Variants in HDAC9 observed in about 807,000 individuals in gnomAD.
HDAC9 encodes the protein MEF-2 interacting transcription repressor (MITR) protein.
Under a neutral mutation model 139.4 loss-of-function variants are expected in HDAC9, and 41 were observed. The observed-to-expected ratio is 0.29, with a 90% CI of 0.23 to 0.38. HDAC9 has a LOEUF of 0.38. HDAC9 is among the 10% of genes least tolerant of loss of function. The pLI is 1.00. For synonymous variants in HDAC9, 517 were observed against 476.2 expected (o/e 1.09, Z -1.12); for missense variants, 1,147 against 1,297.0 (o/e 0.88, Z 1.78).
At chr7:18,243,763 A>T (rs1339068309) in intron 2 of HDAC9, among the ~76,000 whole-genome samples, 1 of 152,246 alleles carries the variant, frequency 6.6e-6, no homozygotes, top group Non-Finnish European at 1.5e-5. Context: ...AATGCAGCTT[A>T]GTTAAAAAAT....
rs1341079093 is a variant in HDAC9 at position 18,751,943 on chromosome 7, C to T, written c.2043+2805C>T. ...TAGTAGAATACTACCTAGTGCTCTC[C>T]CAAGTCCATTTTTTTTTTACTAAAC... On this transcript the variant is annotated intron_variant, in intron 14 of 25. Coordinates refer to ENST00000686413, the MANE Select transcript of HDAC9 (RefSeq NM_178425.4). Among the ~76,000 whole-genome samples, 4 of 151,966 alleles carry T rather than the reference C, an allele frequency of 2.6e-5. No individual in the cohort carries two copies. In the East Asian group the frequency reaches 7.7e-4, roughly 29 times the overall value.
intron 2 of HDAC9, among the ~76,000 whole-genome samples, chr7:18,201,895 G>T (rs2128160032): frequency 6.6e-6 from 1 of 152,322 alleles, no homozygotes; most frequent in South Asian, 2.1e-4. Context: ...AAAAATAAAT[G>T]AAGAATTAAG....
intron 2 of HDAC9, among the ~76,000 whole-genome samples, chr7:18,569,238 G>C (rs1280276860): frequency 6.6e-6 from 1 of 152,024 alleles, no homozygotes. Flanking sequence ...AATGAGAGTG[G>C]CTGTGTTCCA....
intron 1 of HDAC9, among the ~76,000 whole-genome samples, chr7:18,355,016 C>A (rs1369662945): frequency 1.3e-5 from 2 of 152,144 alleles, no homozygotes; most frequent in Admixed American, 1.3e-4. Context: ...GATCCTCAAT[C>A]TGCTTATTGT....
upstream of HDAC9, among the ~76,000 whole-genome samples, chr7:18,491,667 C>T (rs1796377933): frequency 6.6e-6 from 1 of 152,126 alleles, no homozygotes; most frequent in East Asian, 1.9e-4. Context: ...TTCAGAAGTA[C>T]TGCTTATATG....
intron 21 of HDAC9, among the ~76,000 whole-genome samples, chr7:18,867,231 A>G (rs1249019146): frequency 6.6e-6 from 1 of 152,210 alleles, no homozygotes; most frequent in Non-Finnish European, 1.5e-5. Flanking sequence ...AAAAAAGCAT[A>G]TATGCCATTG....
chr7:18,943,175 T>A (rs561842910), intron 23 of HDAC9, among the ~76,000 whole-genome samples: 1 of 152,172 alleles, frequency 6.6e-6, no homozygotes, highest in East Asian at 1.9e-4. Context: ...CTACAGACAT[T>A]ATGTTGGAAA....
At chr7:18,887,661 A>G (rs577913803) in intron 22 of HDAC9, among the ~76,000 whole-genome samples, 30 of 152,360 alleles carry the variant, frequency 2.0e-4, no homozygotes, top group Non-Finnish European at 3.8e-4. Flanking sequence ...GTCAGAATTC[A>G]TATGTCAAAA....
At chr7:18,956,096 C>G (rs17140387) in intron 24 of HDAC9, among the ~76,000 whole-genome samples, 62,798 of 151,790 alleles carry the variant, frequency 0.41, 13,223 homozygotes, top group Admixed American at 0.5. Context: ...TTGAAAAAGA[C>G]TCAATCTACT....
At chr7:18,987,064 T>G (rs1785420512) in intron 25 of HDAC9, among the ~76,000 whole-genome samples, 1 of 152,206 alleles carries the variant, frequency 6.6e-6, no homozygotes, top group African/African-American at 2.4e-5. Flanking sequence ...TTTATTTCCT[T>G]CTCCTGCCTA....
intron 1 of HDAC9, among the ~76,000 whole-genome samples, chr7:18,138,563 T>TGTGTGC (rs895058145): frequency 7.0e-6 from 1 of 143,450 alleles, no homozygotes; most frequent in African/African-American, 2.9e-5. Context: ...TGTGTGTGTG[T>TGTGTGC]GCACATGCTC....
chr7:18,124,395 A>G (rs1784533673), intron 1 of HDAC9, among the ~76,000 whole-genome samples: 1 of 152,172 alleles, frequency 6.6e-6, no homozygotes, highest in Non-Finnish European at 1.5e-5. Flanking sequence ...TTTCTATAAA[A>G]CAAGGAGGTG....
Position 18,999,085 on chromosome 7 carries a change from T to A in HDAC9, c.*3023T>A, listed in dbSNP as rs1310989540. 6.6e-6 allele frequency: 1 copy of A among 152,164 alleles called. No individual in the cohort carries two copies. Among genetic ancestry groups the A allele is most frequent in the Non-Finnish European group, 1.5e-5 (1 of 68,024 alleles). The allele number at this position is 152,164 out of a possible 1,614,324, so 9.4% of individuals were successfully genotyped here. ...TAAATATTGTAACAAGTTTATAACA[T>A]CAATAGTGGAGACAGAAGTCAGCTT... On this transcript the variant is annotated 3_prime_UTR_variant, in exon 26 of 26. Coordinates refer to ENST00000686413, the MANE Select transcript of HDAC9 (RefSeq NM_178425.4).
intron 13 of HDAC9, among the ~76,000 whole-genome samples, chr7:18,730,802 T>A (rs953445373): frequency 4.6e-5 from 7 of 152,226 alleles, no homozygotes; most frequent in African/African-American, 1.7e-4. Context: ...CATATGATTT[T>A]TTTTTAAATT....
chr7:18,609,069 A>G (rs1196349006), intron 6 of HDAC9, among the ~76,000 whole-genome samples: 1 of 152,180 alleles, frequency 6.6e-6, no homozygotes, highest in Non-Finnish European at 1.5e-5. Flanking sequence ...TTTTAATGTC[A>G]TTATATATAT....
At position 18,395,821 on chromosome 7, in the gene HDAC9, G is replaced by T. The variant is rs1215102450; in HGVS notation, c.-41-100441G>T. 2.0e-5 allele frequency among the ~76,000 whole-genome samples: 3 copies of T among 151,992 alleles called. No homozygotes were observed. The East Asian group carries it at 5.8e-4, about 29-fold the overall frequency. ...CTTTAATTTTACCTCAAAAAGTTTT[G>T]ATCTGTAGAATTTCATGTTGATACC... On this transcript the variant is annotated intron_variant, in intron 1 of 3. Coordinates refer to the HDAC9 transcript ENST00000413509.
At chr7:18,936,469 A>C (rs1356131762) in intron 23 of HDAC9, among the ~76,000 whole-genome samples, 2 of 152,206 alleles carry the variant, frequency 1.3e-5, no homozygotes, top group African/African-American at 4.8e-5. Flanking sequence ...ACATGAATCT[A>C]AATGGCCAAA....
intron 12 of HDAC9, among the ~76,000 whole-genome samples, chr7:18,698,514 T>C (rs910529874): frequency 6.6e-6 from 1 of 152,236 alleles, no homozygotes; most frequent in African/African-American, 2.4e-5. Context: ...TTTGCTGATA[T>C]AGTATTTCTC....
At chr7:18,390,031 G>C (rs1042036491) in intron 1 of HDAC9, among the ~76,000 whole-genome samples, 1 of 136,766 alleles carries the variant, frequency 7.3e-6, no homozygotes, top group Non-Finnish European at 1.6e-5. Flanking sequence ...AGTTGTGTTT[G>C]ACCCTAGAGA....
Sources: allele counts gnomAD v4.1 joint callset (sites outside exome capture counted in the v4.1 genomes callset), GRCh38; gene constraint gnomAD v4.1.1; transcripts MANE v1.5; gene names NCBI Gene and HGNC (gene_info 2026-07-23, HGNC 2026-07-21).